RALGPS2: variants seen among roughly 807,000 people sequenced by gnomAD.
RALGPS2 encodes ras-specific guanine nucleotide-releasing factor RalGPS2.
RALGPS2 carries 43 observed loss-of-function variants against 86.8 expected under a neutral mutation model. The ratio of observed to expected loss-of-function variants is 0.50; its 90% CI spans 0.39 to 0.64. The LOEUF (loss-of-function observed/expected upper bound fraction) is 0.64. RALGPS2 is among the 30% of genes least tolerant of loss of function. The pLI is 0.00. For missense variants in RALGPS2, 536 were observed against 694.6 expected (o/e 0.77, Z 2.57); for synonymous variants, 243 against 231.3 (o/e 1.05, Z -0.46).
chr1:178,803,396 A>T (rs1156367561), intron 4 of RALGPS2, among the ~76,000 whole-genome samples: 3 of 152,118 alleles, frequency 2.0e-5, no homozygotes, highest in Non-Finnish European at 2.9e-5. Flanking sequence ...TAAGTTTTGT[A>T]ATTATAGTAA....
chr1:178,867,821 CGAAAACAAAGGTCATGTCAATGAAAT>C (rs1658510080), intron 8 of RALGPS2, among the ~76,000 whole-genome samples: 3 of 151,512 alleles, frequency 2.0e-5, no homozygotes, highest in Non-Finnish European at 4.4e-5. Flanking sequence ...GGACCCCTCC[CGAAAACAAAGGTCATGTCAATGAAAT>C]ATAACTCTTA....
At chr1:178,843,780 G>A (rs945701056) in intron 8 of RALGPS2, among the ~76,000 whole-genome samples, 1 of 152,000 alleles carries the variant, frequency 6.6e-6, no homozygotes, top group Admixed American at 6.6e-5. Flanking sequence ...TCCCTATCTG[G>A]GTATGTGAAG....
At chr1:178,858,616 G>T (rs1657748841) in intron 8 of RALGPS2, among the ~76,000 whole-genome samples, 1 of 152,150 alleles carries the variant, frequency 6.6e-6, no homozygotes, top group Non-Finnish European at 1.5e-5. Flanking sequence ...CAGTCTCTCT[G>T]TTCCTCAATT....
At chr1:178,886,397 G>A (rs1421049571) in intron 13 of RALGPS2, among the ~76,000 whole-genome samples, 2 of 152,232 alleles carry the variant, frequency 1.3e-5, no homozygotes, top group African/African-American at 4.8e-5. Context: ...GGAGGAGGAA[G>A]AGTGTGGAGT....
intron 4 of RALGPS2, among the ~76,000 whole-genome samples, chr1:178,797,346 T>C (rs1457810770): frequency 6.6e-6 from 1 of 151,814 alleles, no homozygotes; most frequent in Non-Finnish European, 1.5e-5. Flanking sequence ...ATTTAGCAGC[T>C]CTTGAGAGGT....
At chr1:178,838,376 T>A (rs560341220) in intron 8 of RALGPS2, among the ~76,000 whole-genome samples, 1 of 152,304 alleles carries the variant, frequency 6.6e-6, no homozygotes, top group African/African-American at 2.4e-5. Flanking sequence ...CAATATTCAC[T>A]GTTCTGCAGC....
intron 19 of RALGPS2, among the ~76,000 whole-genome samples, chr1:178,912,400 T>C (rs1230437271): frequency 1.3e-5 from 2 of 152,178 alleles, no homozygotes; most frequent in Non-Finnish European, 2.9e-5. Flanking sequence ...AATTCCTTAG[T>C]CTTTGCTTGT....
chr1:178,760,609 G>T (rs957920689), intron 1 of RALGPS2, among the ~76,000 whole-genome samples: 4 of 152,110 alleles, frequency 2.6e-5, no homozygotes, highest in African/African-American at 9.7e-5. Context: ...AGACGGATGG[G>T]TCTTGTTTTT....
rs540472792 is a variant in RALGPS2 at position 178,897,950 on chromosome 1, G to A, written c.1524+194G>A. ...TGCAAATGTCAAAACTGCACATTAC[G>A]CTTATCTATTTTGACATCAAAGCTT... On this transcript the variant is annotated intron_variant, in intron 17 of 19. Coordinates refer to ENST00000367635, the MANE Select transcript of RALGPS2 (RefSeq NM_152663.5). 1.8e-4 allele frequency among the ~76,000 whole-genome samples: 28 copies of A among 151,854 alleles called. No homozygotes were observed. In the South Asian group the frequency reaches 5.0e-3, roughly 27 times the overall value.
chr1:178,865,817 A>G lies in RALGPS2; in HGVS notation c.608-11681A>G, dbSNP rs747161818. 5.5e-6 allele frequency: 8 copies of G among 1,461,326 alleles called. No homozygotes were observed. The African/African-American group carries it at 5.7e-5, about 10-fold the overall frequency. 90.5% of individuals were successfully genotyped at this position (1,461,326 alleles called of 1,614,324 possible). A position where few individuals can be genotyped will look rare whatever the true frequency, so the allele number is the denominator to read the frequency against. ...TAAAATGATGTCTTTTGAAAAACAA[A>G]TCAGTGAAGGAGAAAAAGCAAAAAG... On this transcript the variant is annotated intron_variant, in intron 8 of 19. Transcript: ENST00000367635.
At chr1:178,743,056 C>T (rs1372580244) in intron 1 of RALGPS2, among the ~76,000 whole-genome samples, 1 of 151,994 alleles carries the variant, frequency 6.6e-6, no homozygotes, top group Non-Finnish European at 1.5e-5. Context: ...TCTTTACAAA[C>T]ATTTTTTTAA....
intron 1 of RALGPS2, among the ~76,000 whole-genome samples, chr1:178,760,055 C>A (rs1048406227): frequency 6.6e-6 from 1 of 152,104 alleles, no homozygotes; most frequent in African/African-American, 2.4e-5. Context: ...TTCTTCCTTT[C>A]CAATTTGAAT....
chr1:178,806,889 C>T (rs543621143), intron 4 of RALGPS2, among the ~76,000 whole-genome samples: 4 of 152,206 alleles, frequency 2.6e-5, no homozygotes, highest in East Asian at 1.9e-4. Flanking sequence ...TGGACTCGTC[C>T]GGCAGGCTGA....
intron 4 of RALGPS2, among the ~76,000 whole-genome samples, chr1:178,799,632 T>C (rs1654374726): frequency 6.6e-6 from 1 of 152,292 alleles, no homozygotes; most frequent in South Asian, 2.1e-4. Flanking sequence ...ATTGATGCTT[T>C]GTCTCTGAAG....
intron 1 of RALGPS2, among the ~76,000 whole-genome samples, chr1:178,747,984 C>A (rs546270325): frequency 6.6e-6 from 1 of 152,318 alleles, no homozygotes; most frequent in East Asian, 1.9e-4. Context: ...GACTGTAAAA[C>A]AGTACAACTA....
intron 17 of RALGPS2, among the ~76,000 whole-genome samples, chr1:178,899,780 G>A (rs1660094748): frequency 6.6e-6 from 1 of 151,656 alleles, no homozygotes; most frequent in East Asian, 1.9e-4. Flanking sequence ...GGTGGAGTAA[G>A]GGCAGGGGGA....
chr1:178,887,905 C>G (rs1052164710), intron 13 of RALGPS2, among the ~76,000 whole-genome samples: 7 of 152,040 alleles, frequency 4.6e-5, no homozygotes, highest in African/African-American at 1.7e-4. Flanking sequence ...ATTTTCTACA[C>G]GTCCATGGAA....
chr1:178,796,026 G>T (rs901141261), intron 4 of RALGPS2, among the ~76,000 whole-genome samples: 1 of 152,178 alleles, frequency 6.6e-6, no homozygotes, highest in African/African-American at 2.4e-5. Flanking sequence ...GAAGCGAGTT[G>T]CCGCTGTTTT....
At chr1:178,831,636 A>T (rs1437405840) in intron 7 of RALGPS2, among the ~76,000 whole-genome samples, 1 of 59,548 alleles carries the variant, frequency 1.7e-5, no homozygotes, top group Non-Finnish European at 3.5e-5. Context: ...CGCCCCCCCC[A>T]CCCCCAGCGG....
Sources: allele counts gnomAD v4.1 joint callset (sites outside exome capture counted in the v4.1 genomes callset), GRCh38; gene constraint gnomAD v4.1.1; transcripts MANE v1.5; gene names NCBI Gene and HGNC (gene_info 2026-07-23, HGNC 2026-07-21).